The following NIPAL2 variants were observed in gnomAD, a reference collection of about 807,000 sequenced individuals.
The protein encoded by NIPAL2 is NIPA-like protein 2.
In NIPAL2, 43 loss-of-function variants were observed where a neutral mutation model predicts 48.9. That is an observed-to-expected ratio of 0.88 (90% CI 0.69 to 1.13). The LOEUF (loss-of-function observed/expected upper bound fraction) is 1.13. Among genes scored for constraint, NIPAL2 ranks in the 50% most tolerant of loss-of-function variants. NIPAL2 has a pLI of 0.00. For synonymous variants in NIPAL2, 167 were observed against 174.6 expected (o/e 0.96, Z 0.34); for missense variants, 446 against 461.4 (o/e 0.97, Z 0.31).
chr8:98,212,543 A>G (rs1811369575), intron 5 of NIPAL2, 42 bp from the exon 6 acceptor site: 2 of 984,356 alleles, frequency 2.0e-6, no homozygotes, highest in African/African-American at 1.6e-5. Context: ...TATTCTATGC[A>G]AAGTCTTCAA....
Position 98,258,399 on chromosome 8 carries a change from T to C in NIPAL2, c.136-4312A>G, listed in dbSNP as rs147931099. Among the ~76,000 whole-genome samples, 1,294 of 152,310 alleles carry C rather than the reference T, an allele frequency of 8.5e-3. 24 individuals are homozygous for C. The highest frequency in any genetic ancestry group is 0.028 in the African/African-American group (1,180 of 41,562). On this transcript the variant is annotated intron_variant, in intron 1 of 10. Transcript: ENST00000430223. ...TTATATTACTTATATTTTATAACAA[T>C]ACAAAATTGGTGGTGAAGTAAGTCA...
intron 3 of NIPAL2, among the ~76,000 whole-genome samples, chr8:98,245,866 G>A (rs1236201910): frequency 6.6e-6 from 1 of 152,172 alleles, no homozygotes; most frequent in African/African-American, 2.4e-5. Context: ...TATGTAGGCT[G>A]GTTTTTGGAC....
rs185502138 is a variant in NIPAL2, at chr8:98,204,603, G to A, written c.791+508C>T. Reference sequence around the variant, plus strand: ...AAGAGAAACATAAAACAATCATTCCGCAATCCCATGGATACAAAGGAAATT... The same window carrying A: ...AAGAGAAACATAAAACAATCATTCCACAATCCCATGGATACAAAGGAAATT... On this transcript the variant is annotated intron_variant, in intron 7 of 10. Coordinates refer to ENST00000430223, the MANE Select transcript of NIPAL2 (RefSeq NM_001321635.2). 3.9e-5 allele frequency among the ~76,000 whole-genome samples: 6 copies of A among 152,048 alleles called. No homozygotes were observed. In the East Asian group the frequency reaches 9.7e-4, roughly 25 times the overall value.
intron 3 of NIPAL2, among the ~76,000 whole-genome samples, chr8:98,249,124 C>T (rs926307453): frequency 2.0e-5 from 3 of 152,136 alleles, no homozygotes; most frequent in Non-Finnish European, 4.4e-5. Flanking sequence ...ACTGCATCTG[C>T]CCCTCAAAGA....
intron 1 of NIPAL2, among the ~76,000 whole-genome samples, chr8:98,268,370 C>G (rs1056449359): frequency 1.3e-5 from 2 of 152,002 alleles, no homozygotes; most frequent in African/African-American, 4.8e-5. Context: ...CCTGTCATCC[C>G]GGCATTTTGG....
intron 10 of NIPAL2, among the ~76,000 whole-genome samples, chr8:98,194,447 A>G (rs1307442171): frequency 2.6e-5 from 4 of 151,856 alleles, no homozygotes; most frequent in Non-Finnish European, 5.9e-5. Context: ...TCTTTTCTCT[A>G]CCCTTTTCCA....
intron 8 of NIPAL2, among the ~76,000 whole-genome samples, chr8:98,200,074 T>C (rs1430618699): frequency 6.6e-6 from 1 of 152,174 alleles, no homozygotes; most frequent in Non-Finnish European, 1.5e-5. Flanking sequence ...CGCCTCAGCC[T>C]CCTGAGTAGC....
At chr8:98,276,085 T>C (rs541280474) in intron 1 of NIPAL2, among the ~76,000 whole-genome samples, 1 of 152,316 alleles carries the variant, frequency 6.6e-6, no homozygotes, top group South Asian at 2.1e-4. Flanking sequence ...TGAGCCTACA[T>C]TGAAACATCA....
intron 1 of NIPAL2, among the ~76,000 whole-genome samples, chr8:98,261,773 G>C (rs2130853576): frequency 6.7e-6 from 1 of 150,306 alleles, no homozygotes; most frequent in South Asian, 2.1e-4. Flanking sequence ...AGGAAATACA[G>C]AGAACACCAC....
chr8:98,201,819 T>A (rs1488163242), intron 8 of NIPAL2, among the ~76,000 whole-genome samples: 1 of 152,164 alleles, frequency 6.6e-6, no homozygotes, highest in Non-Finnish European at 1.5e-5. Flanking sequence ...TAAGTTTCAA[T>A]TTTGGGAAAC....
At chr8:98,289,340 G>A (rs1313004872) in intron 1 of NIPAL2, among the ~76,000 whole-genome samples, 1 of 152,026 alleles carries the variant, frequency 6.6e-6, no homozygotes, top group Non-Finnish European at 1.5e-5. Context: ...GCCATAAGGA[G>A]GGTATCAGGT....
intron 5 of NIPAL2, among the ~76,000 whole-genome samples, chr8:98,221,148 G>C (rs1400700940): frequency 1.3e-5 from 2 of 151,520 alleles, no homozygotes; most frequent in Non-Finnish European, 2.9e-5. Context: ...GGTAATTTTT[G>C]TATTTTTAGT....
At position 98,192,202 on chromosome 8, in the gene NIPAL2, A is replaced by G. The variant is rs1385299344; in HGVS notation, c.*776T>C. ...TAAAAAATAAACAAACATTAGTCCT[A>G]CTTTTTGTCTCTAACGCTTCATGAA... On this transcript the variant is annotated 3_prime_UTR_variant, in exon 11 of 11. Transcript: ENST00000430223. 1.3e-5 allele frequency: 2 copies of G among 152,208 alleles called. No homozygotes were observed. The highest frequency in any genetic ancestry group is 4.8e-5 in the African/African-American group (2 of 41,460). 9.4% of individuals were successfully genotyped at this position (152,208 alleles called of 1,614,324 possible). A position where few individuals can be genotyped will look rare whatever the true frequency, so the allele number is the denominator to read the frequency against.
At chr8:98,281,269 A>G (rs138557481) in intron 1 of NIPAL2, among the ~76,000 whole-genome samples, 1,640 of 152,172 alleles carry the variant, frequency 0.011, 14 homozygotes, top group Non-Finnish European at 0.017. Context: ...GTTAGGTCCT[A>G]TGTCAGGAAT....
intron 1 of NIPAL2, among the ~76,000 whole-genome samples, chr8:98,264,737 A>G (rs1269507520): frequency 6.6e-6 from 1 of 151,986 alleles, no homozygotes; most frequent in South Asian, 2.1e-4. Context: ...TGCCATCCCC[A>G]TCAAGCTACC....
At chr8:98,241,814 A>C (rs1812993392) in intron 3 of NIPAL2, among the ~76,000 whole-genome samples, 1 of 145,610 alleles carries the variant, frequency 6.9e-6, no homozygotes. Context: ...TAAGGGTTTG[A>C]CACGGAATAA....
At chr8:98,195,609 A>C (rs977024669) in intron 9 of NIPAL2, 5 of 186,916 alleles carry the variant, frequency 2.7e-5, no homozygotes, top group African/African-American at 1.2e-4. Context: ...TCTAATTTAG[A>C]TCTAATCTAG....
chr8:98,211,188 T>C (rs1001514423), intron 6 of NIPAL2, among the ~76,000 whole-genome samples: 2 of 152,088 alleles, frequency 1.3e-5, no homozygotes, highest in African/African-American at 4.8e-5. Flanking sequence ...ATTTCTTTTC[T>C]TTTTTTTACT....
At chr8:98,281,553 C>A (rs539867000) in intron 1 of NIPAL2, among the ~76,000 whole-genome samples, 1 of 152,184 alleles carries the variant, frequency 6.6e-6, no homozygotes, top group South Asian at 2.1e-4. Flanking sequence ...TTCTCCATGA[C>A]GTGATTATTA....
Sources: allele counts gnomAD v4.1 joint callset (sites outside exome capture counted in the v4.1 genomes callset), GRCh38; gene constraint gnomAD v4.1.1; transcripts MANE v1.5; gene names NCBI Gene and HGNC (gene_info 2026-07-23, HGNC 2026-07-21).